SIGLEC8: variants seen among roughly 807,000 people sequenced by gnomAD.
SIGLEC8 encodes the protein sialic acid-binding Ig-like lectin 8.
A neutral mutation model predicts 42.1 loss-of-function variants in SIGLEC8; 32 were observed. That is an observed-to-expected ratio of 0.76 (90% CI 0.57 to 1.02). The LOEUF (loss-of-function observed/expected upper bound fraction) is 1.02. Among genes scored for constraint, SIGLEC8 ranks in the 50% least tolerant of loss-of-function variants. The pLI is 0.00. For synonymous variants in SIGLEC8, 262 were observed against 260.3 expected, an observed-to-expected ratio of 1.01 and a Z score of -0.06; for missense variants, 611 against 610.2, an observed-to-expected ratio of 1.00 and a Z score of -0.01.
Position 51,451,893 on chromosome 19 carries a change from C to T in SIGLEC8, c.*486G>A, listed in dbSNP as rs1176609443. 1 of 152,168 alleles carries T rather than the reference C, an allele frequency of 6.6e-6. No homozygotes were observed. Among genetic ancestry groups the T allele is most frequent in the Non-Finnish European group, 1.5e-5 (1 of 68,112 alleles). 9.4% of individuals were successfully genotyped at this position (152,168 alleles called of 1,614,324 possible). A position where few individuals can be genotyped will look rare whatever the true frequency, so the allele number is the denominator to read the frequency against. On this transcript the variant is annotated 3_prime_UTR_variant, in exon 7 of 7. Coordinates refer to ENST00000321424, the MANE Select transcript of SIGLEC8 (RefSeq NM_014442.3). Reference sequence around the variant, plus strand: ...CACTTATAGTGAAACCCCGTCTCTACTAAAAAATACAAAAATTAGCTGGGC... The same window carrying T: ...CACTTATAGTGAAACCCCGTCTCTATTAAAAAATACAAAAATTAGCTGGGC...
chr19:51,454,069 A>G lies in SIGLEC8; in HGVS notation c.1245+150T>C, dbSNP rs1989430632. ...GGTAGGGACTGCCATGCTGTCAGCA[A>G]GATGGGGGAGTCCTGTAGAAGCCGG... On this transcript the variant is annotated intron_variant, in intron 6 of 6. Coordinates refer to ENST00000321424, the MANE Select transcript of SIGLEC8 (RefSeq NM_014442.3). This position sits in a 1 kb window ranked among gnomAD's most constrained non-coding sequence, Gnocchi z 4.7. 1 of 1,453,362 alleles carries G rather than the reference A, an allele frequency of 6.9e-7. No individual in the cohort carries two copies. The highest frequency in any genetic ancestry group is 1.4e-5 in the African/African-American group (1 of 69,984). The allele number at this position is 1,453,362 out of a possible 1,614,324, so 90.0% of individuals were successfully genotyped here. A position where few individuals can be genotyped will look rare whatever the true frequency, so the allele number is the denominator to read the frequency against.
At chr19:51,453,139 A>G (rs1384896069) in intron 6 of SIGLEC8, among the ~76,000 whole-genome samples, 2 of 151,068 alleles carry the variant, frequency 1.3e-5, no homozygotes, top group African/African-American at 4.9e-5. Context: ...CCCAGGCTGG[A>G]GTGCAGTGGT....
chr19:51,454,212 C>T lies in SIGLEC8; in HGVS notation c.1245+7G>A. ...ATGCTCGGTGTGGAGAAGCCCACAT[C>T]ACTCACCTGAGAGGCCGAGCCCCTG... On this transcript the variant is annotated splice_region_variant and intron_variant, in intron 6 of 6. Coordinates refer to ENST00000321424, the MANE Select transcript of SIGLEC8 (RefSeq NM_014442.3). This position sits in a 1 kb window ranked among gnomAD's most constrained non-coding sequence, Gnocchi z 4.7. The T allele has an allele frequency of 6.2e-7, 1 of 1,614,082 alleles. No homozygotes were observed. Among genetic ancestry groups the T allele is most frequent in the Non-Finnish European group, 8.5e-7 (1 of 1,179,960 alleles).
chr19:51,453,107 G>T (rs1483139029), intron 6 of SIGLEC8, among the ~76,000 whole-genome samples: 4 of 147,022 alleles, frequency 2.7e-5, no homozygotes, highest in African/African-American at 1.0e-4. Context: ...TTTTTTTTTT[G>T]AGACAGAGTC....
intron 6 of SIGLEC8, among the ~76,000 whole-genome samples, chr19:51,453,192 G>A (rs1989410312): frequency 6.6e-6 from 1 of 152,052 alleles, no homozygotes; most frequent in South Asian, 2.1e-4. Context: ...GGGCTCAAGG[G>A]ATCATTCCAT....
chr19:51,452,751 C>G, intron 6 of SIGLEC8, 118 bp from the exon 7 acceptor site: 7 of 953,430 alleles, frequency 7.3e-6, no homozygotes, highest in Non-Finnish European at 9.9e-6. Context: ...GCATTTTTGT[C>G]GAAGTGTCTT....
At chr19:51,457,885 A>G in intron 1 of SIGLEC8, 49 bp downstream of exon 1, 1 of 1,590,708 alleles carries the variant, frequency 6.3e-7, no homozygotes, top group Non-Finnish European at 8.6e-7. Context: ...CCTGCCTTTC[A>G]GCCCCTCATG....
At chr19:51,453,564 G>A (rs756178802) in intron 6 of SIGLEC8, 91 of 378,332 alleles carry the variant, frequency 2.4e-4, no homozygotes, top group Admixed American at 1.0e-3. Context: ...GCTTGGTGGC[G>A]CGTGCCTGTA....
chr19:51,454,501 G>T lies in SIGLEC8; in HGVS notation c.1148+183C>A, dbSNP rs1951643291. ...TGCCTCATGGATGGTGGGGCCCGAG[G>T]TTGCTACAGATGTGGAGCCCCACAG... is the stretch of plus-strand genomic sequence containing the variant. On this transcript the variant is annotated intron_variant, in intron 5 of 6. Transcript: ENST00000321424. The surrounding 1 kb of genome is among the most constrained non-coding windows in gnomAD (Gnocchi z 4.7). Among the ~76,000 whole-genome samples, 1 of 152,178 alleles carries T rather than the reference G, an allele frequency of 6.6e-6. No individual in the cohort carries two copies. The highest frequency in any genetic ancestry group is 1.5e-5 in the Non-Finnish European group (1 of 68,034).
intron 3 of SIGLEC8, 146 bp downstream of exon 3, chr19:51,457,038 G>A (rs1568515526): frequency 2.6e-6 from 2 of 764,968 alleles, no homozygotes; most frequent in South Asian, 2.8e-5. Context: ...TGGTCACGCG[G>A]GCTGGAGATG....
chr19:51,456,358 C>T (rs1989493178), intron 3 of SIGLEC8, among the ~76,000 whole-genome samples: 1 of 152,168 alleles, frequency 6.6e-6, no homozygotes, highest in East Asian at 1.9e-4. Context: ...ACACTCAGTG[C>T]TGGGAATGTA....
In SIGLEC8 at chr19:51,451,515, T is replaced by C. The variant is rs571312664; in HGVS notation, c.*864A>G. On this transcript the variant is annotated 3_prime_UTR_variant, in exon 7 of 7. Coordinates refer to ENST00000321424, the MANE Select transcript of SIGLEC8 (RefSeq NM_014442.3). The stretch of plus-strand genomic sequence containing the variant: ...AATTTATTTCCTGAAAACTTATGGC[T>C]AAGGGGTGCCCAGCCTGCTGATTGC... 67 of 152,206 alleles carry C rather than the reference T, an allele frequency of 4.4e-4. No homozygotes were observed. The highest frequency in any genetic ancestry group is 1.6e-3 in the African/African-American group (66 of 41,524). The allele number at this position is 152,206 out of a possible 1,614,324, so 9.4% of individuals were successfully genotyped here.
At chr19:51,457,824 C>T in intron 1 of SIGLEC8, 85 bp from the exon 2 acceptor site, 1 of 1,547,970 alleles carries the variant, frequency 6.5e-7, no homozygotes, top group Admixed American at 1.8e-5. Flanking sequence ...CAGCTCCTCC[C>T]CGGAGACCGA....
Position 51,452,244 on chromosome 19 carries a change from G to T in SIGLEC8, c.*135C>A, listed in dbSNP as rs994909460. 43 of 654,418 alleles carry T rather than the reference G, an allele frequency of 6.6e-5. No individual in the cohort carries two copies. Among genetic ancestry groups the T allele is most frequent in the Non-Finnish European group, 1.1e-4 (41 of 388,462 alleles). 40.5% of individuals were successfully genotyped at this position (654,418 alleles called of 1,614,324 possible). On this transcript the variant is annotated 3_prime_UTR_variant, in exon 7 of 7. Coordinates refer to ENST00000321424, the MANE Select transcript of SIGLEC8 (RefSeq NM_014442.3). The stretch of plus-strand genomic sequence containing the variant: ...GAGAGGAGAATGGTGGGTAGTAGAA[G>T]CTAGAGGCAGGGATGGGTCCCTGGT...
chr19:51,457,625 G>C lies in SIGLEC8; in HGVS notation c.569C>G (p.Ser190Cys), dbSNP rs536880497. Reference sequence around the variant, plus strand: ...GGAGGACACGGAGGCCCCAATCCAGGAGATCATGGGGGGTGTCCCCTGCTT... The same window carrying C: ...GGAGGACACGGAGGCCCCAATCCAGCAGATCATGGGGGGTGTCCCCTGCTT... ...ACKQGTPPMISWIGASVSSPG... is the reference protein window; with the variant it reads ...ACKQGTPPMICWIGASVSSPG... Residue 190 changes from serine to cysteine, a missense_variant, in exon 2 of 7, where the codon TCC becomes TGC. Physicochemically the swap from Ser to Cys is moderately radical, Grantham distance 112. Coordinates refer to ENST00000321424, the MANE Select transcript of SIGLEC8 (RefSeq NM_014442.3). The C allele has an allele frequency of 1.2e-6, 2 of 1,612,462 alleles. No individual in the cohort carries two copies. Among genetic ancestry groups the C allele is most frequent in the African/African-American group, 2.7e-5 (2 of 75,018 alleles).
In SIGLEC8 at chr19:51,452,438, C is replaced by A; in HGVS notation, c.1441G>T (p.Ala481Ser). 1.9e-6 allele frequency: 3 copies of A among 1,612,912 alleles called. No individual in the cohort carries two copies. The highest frequency in any genetic ancestry group is 2.5e-6 in the Non-Finnish European group (3 of 1,178,968). Residue 481 changes from alanine to serine, a missense_variant, in exon 7 of 7, where the codon GCA becomes TCA. Physicochemically the swap from Ala to Ser is moderately conservative, Grantham distance 99. Transcript: ENST00000321424. ...TTCCTCAAACAGGCCTGAGTCTCTG[C>A]AGTTTCTCGCTTGTGGATCTTGATC... ...SEIKIHKRET[A>S]ETQACLRNHN...
At position 51,457,218 on chromosome 19, in the gene SIGLEC8, GT is replaced by G. The variant is rs1319941740; in HGVS notation, c.746del (p.Asn249ThrfsTer2). 6.2e-7 allele frequency: 1 copy of G among 1,613,770 alleles called. No homozygotes were observed. Among genetic ancestry groups the G allele is most frequent in the East Asian group, 2.2e-5 (1 of 44,878 alleles). On this transcript the variant is annotated frameshift_variant, in exon 3 of 7. Coordinates refer to ENST00000321424, the MANE Select transcript of SIGLEC8 (RefSeq NM_014442.3). LOFTEE classifies it high-confidence loss of function. The stretch of plus-strand genomic sequence containing the variant: ...CTCCTTGGAAGACAGTCATGGTCAA[GT>G]TCCAAGGAGGGTCTGGGACAGAAAG... Reference protein sequence around the residue: ...VRLDVSYPPWNLTMTVFQGDA... With the variant: ...VRLDVSYPPWXLTMTVFQGDA...
At chr19:51,456,080 TG>T (rs1187962250) in intron 3 of SIGLEC8, among the ~76,000 whole-genome samples, 2 of 81,140 alleles carry the variant, frequency 2.5e-5, no homozygotes, top group Non-Finnish European at 5.0e-5. Flanking sequence ...TGTTGTGGGG[TG>T]GGGGGAGGGA....
At chr19:51,456,345 C>T (rs923446654) in intron 3 of SIGLEC8, among the ~76,000 whole-genome samples, 9 of 152,134 alleles carry the variant, frequency 5.9e-5, no homozygotes, top group East Asian at 5.8e-4. Context: ...TGCAGGAAAA[C>T]GCACACTCAG....
Sources: allele counts gnomAD v4.1 joint callset (sites outside exome capture counted in the v4.1 genomes callset), GRCh38; gene constraint gnomAD v4.1.1; non-coding constraint Gnocchi (gnomAD v3.1); transcripts MANE v1.5; gene names NCBI Gene and HGNC (gene_info 2026-07-23, HGNC 2026-07-21).